The following GHR variants were observed in gnomAD, a reference collection of about 807,000 sequenced individuals.
GHR encodes the protein growth hormone receptor, also known as GH receptor.
GHR carries 35 observed loss-of-function variants against 67.1 expected under a neutral mutation model. The ratio of observed to expected loss-of-function variants is 0.52; its 90% confidence interval spans 0.40 to 0.69. The LOEUF (loss-of-function observed/expected upper bound fraction) is 0.69, where lower values mean the gene tolerates loss of function less well. Ranked by LOEUF, GHR falls within the 30% of genes least tolerant of loss-of-function variation. GHR has a pLI of 0.00. For synonymous variants in GHR, 272 were observed against 269.1 expected (o/e 1.01, Z -0.10); for missense variants, 792 against 764.6 (o/e 1.04, Z -0.42).
chr5:42,687,966 C>G (rs6451637), intron 3 of GHR, among the ~76,000 whole-genome samples: 3,891 of 152,304 alleles, frequency 0.026, 165 homozygotes, highest in African/African-American at 0.089. Context: ...CACATCTATA[C>G]ATTTCATAGA....
At chr5:42,595,632 G>C (rs1323048740) in intron 2 of GHR, among the ~76,000 whole-genome samples, 1 of 152,262 alleles carries the variant, frequency 6.6e-6, no homozygotes, top group African/African-American at 2.4e-5. Flanking sequence ...ATGAATAAGT[G>C]AGAAAGAAAG....
Position 42,695,054 on chromosome 5 carries a change from C to T in GHR, c.404C>T (p.Thr135Ile), listed in dbSNP as rs1479542411. The change falls in exon 5 of 10, where the codon ACA (threonine) becomes ATA (isoleucine). Residue 135 changes from threonine to isoleucine, a missense_variant. Physicochemically the swap from Thr to Ile is moderately conservative, Grantham distance 89. Transcript: ENST00000230882. ...YCIKLTSNGG[T>I]VDEKCFSVDE... Reference sequence around the variant, plus strand: ...ATCAAGCTAACTAGCAATGGTGGTACAGTGGATGAAAAGTGTTTCTCTGTT... The same window carrying T: ...ATCAAGCTAACTAGCAATGGTGGTATAGTGGATGAAAAGTGTTTCTCTGTT... 2 of 1,611,004 alleles carry T rather than the reference C, an allele frequency of 1.2e-6. No homozygotes were observed. Among genetic ancestry groups the T allele is most frequent in the Non-Finnish European group, 1.7e-6 (2 of 1,177,310 alleles).
intron 3 of GHR, among the ~76,000 whole-genome samples, chr5:42,674,799 T>G (rs1213012784): frequency 1.3e-5 from 2 of 152,208 alleles, no homozygotes; most frequent in African/African-American, 4.8e-5. Context: ...TAAATAATGC[T>G]GTTATGAGCA....
intron 3 of GHR, among the ~76,000 whole-genome samples, chr5:42,679,149 G>A (rs895756154): frequency 7.5e-5 from 10 of 133,934 alleles, no homozygotes; most frequent in Non-Finnish European, 1.1e-4. Context: ...ATTATATATT[G>A]TATATTATAT....
At chr5:42,662,474 T>A (rs1755697879) in intron 3 of GHR, among the ~76,000 whole-genome samples, 1 of 152,070 alleles carries the variant, frequency 6.6e-6, no homozygotes, top group South Asian at 2.1e-4. Flanking sequence ...CTCAACTACA[T>A]GGAAACTGAA....
chr5:42,676,064 A>G (rs1163488265), intron 3 of GHR, among the ~76,000 whole-genome samples: 1 of 152,222 alleles, frequency 6.6e-6, no homozygotes, highest in African/African-American at 2.4e-5. Context: ...AGGCGGGAAG[A>G]TCATGAGGTC....
rs959315098 is a variant in GHR at position 42,720,020 on chromosome 5, T to G, written c.*596T>G. 1 of 166,026 alleles carries G rather than the reference T, an allele frequency of 6.0e-6. No individual in the cohort carries two copies. Among genetic ancestry groups the G allele is most frequent in the African/African-American group, 2.4e-5 (1 of 41,524 alleles). 10.3% of individuals were successfully genotyped at this position (166,026 alleles called of 1,614,324 possible). A position where few individuals can be genotyped will look rare whatever the true frequency, so the allele number is the denominator to read the frequency against. On this transcript the variant is annotated 3_prime_UTR_variant, in exon 10 of 10. Coordinates refer to ENST00000230882, the MANE Select transcript of GHR (RefSeq NM_000163.5). ...CTATTTTATATTACACTACACACTGTGTACTGCAGTTGGTATGACCCCTCT... is the reference window on the plus strand; with the variant it reads ...CTATTTTATATTACACTACACACTGGGTACTGCAGTTGGTATGACCCCTCT...
intron 1 of GHR, among the ~76,000 whole-genome samples, chr5:42,459,392 C>T (rs1389063141): frequency 1.3e-5 from 2 of 152,108 alleles, no homozygotes; most frequent in Admixed American, 1.3e-4. Flanking sequence ...GGCCATTATC[C>T]TAAGTGGACT....
chr5:42,660,918 C>A (rs1462841050), intron 3 of GHR, among the ~76,000 whole-genome samples: 1 of 152,096 alleles, frequency 6.6e-6, no homozygotes, highest in Admixed American at 6.5e-5. Context: ...CTTAAAGGAG[C>A]TGATGGAGCT....
chr5:42,560,409 G>C (rs1177513180), intron 1 of GHR, among the ~76,000 whole-genome samples: 1 of 152,070 alleles, frequency 6.6e-6, no homozygotes, highest in Non-Finnish European at 1.5e-5. Flanking sequence ...GGCCAGGATG[G>C]TCTCAATCTC....
At chr5:42,704,851 T>G (rs1758099995) in intron 6 of GHR, among the ~76,000 whole-genome samples, 1 of 152,050 alleles carries the variant, frequency 6.6e-6, no homozygotes. Context: ...ATGGTATTGG[T>G]TGTAATGTCT....
chr5:42,615,265 C>T (rs138365758), intron 2 of GHR, among the ~76,000 whole-genome samples: 8 of 151,756 alleles, frequency 5.3e-5, no homozygotes, highest in African/African-American at 1.9e-4. Flanking sequence ...GCTTTACCAG[C>T]GACCTATACT....
At chr5:42,427,064 AC>A (rs1742884621) in intron 1 of GHR, among the ~76,000 whole-genome samples, 1 of 152,334 alleles carries the variant, frequency 6.6e-6, no homozygotes, top group Admixed American at 6.5e-5. Context: ...CCCTGTGTTT[AC>A]CATACTTGAA....
intron 1 of GHR, among the ~76,000 whole-genome samples, chr5:42,536,593 T>C (rs1485357537): frequency 6.6e-6 from 1 of 152,186 alleles, no homozygotes; most frequent in African/African-American, 2.4e-5. Context: ...GTTTAGCATC[T>C]ATGTTTATCA....
At chr5:42,533,625 T>C (rs987115537) in intron 1 of GHR, among the ~76,000 whole-genome samples, 1 of 151,976 alleles carries the variant, frequency 6.6e-6, no homozygotes, top group East Asian at 1.9e-4. Flanking sequence ...ATATGTATGG[T>C]ATAAAGCATA....
At chr5:42,457,575 T>A (rs1579733382) in intron 1 of GHR, among the ~76,000 whole-genome samples, 1 of 152,202 alleles carries the variant, frequency 6.6e-6, no homozygotes, top group East Asian at 1.9e-4. Flanking sequence ...TATTTCAAAA[T>A]TAGGGGAAGT....
At chr5:42,585,249 T>G (rs1181057324) in intron 2 of GHR, among the ~76,000 whole-genome samples, 2 of 152,250 alleles carry the variant, frequency 1.3e-5, no homozygotes, top group Non-Finnish European at 2.9e-5. Flanking sequence ...GATACTCAGC[T>G]CAGAGGATTC....
intron 1 of GHR, among the ~76,000 whole-genome samples, chr5:42,520,712 C>T (rs565362657): frequency 2.0e-4 from 31 of 152,262 alleles, no homozygotes; most frequent in African/African-American, 7.5e-4. Flanking sequence ...TAAGCATACA[C>T]AATCAAAGGT....
intron 1 of GHR, among the ~76,000 whole-genome samples, chr5:42,491,875 A>C (rs914869435): frequency 3.3e-5 from 5 of 152,062 alleles, no homozygotes; most frequent in South Asian, 2.1e-4. Flanking sequence ...CCAAGGAATT[A>C]AGACAGGAAT....
Sources: gnomAD v4.1 joint callset for allele counts (sites outside exome capture counted in the v4.1 genomes callset) on GRCh38, gnomAD v4.1.1 for gene constraint, MANE v1.5 for transcripts, NCBI Gene and HGNC (gene_info 2026-07-23, HGNC 2026-07-21) for gene names.